Variants in XNDC1N observed in about 807,000 individuals in gnomAD.
XNDC1N encodes the protein XRCC1 N-terminal domain containing 1, N-terminal like.
the XNDC1N span, among the ~76,000 whole-genome samples, chr11:71,892,693 T>A: frequency 6.6e-5 from 10 of 151,788 alleles, no homozygotes; most frequent in African/African-American, 1.9e-4. Flanking sequence ...TTTTTTTTTT[T>A]AATTTTCACT....
At chr11:71,866,379 G>A in the XNDC1N span, among the ~76,000 whole-genome samples, 3 of 152,074 alleles carry the variant, frequency 2.0e-5, no homozygotes, top group Non-Finnish European at 1.5e-5. Flanking sequence ...AGAAGGCCAT[G>A]TTTACTGTAT....
At chr11:71,871,604 C>G in the XNDC1N span, among the ~76,000 whole-genome samples, 1 of 152,112 alleles carries the variant, frequency 6.6e-6, no homozygotes, top group Admixed American at 6.6e-5. Context: ...ACATTGAATT[C>G]ATAAATCATA....
the XNDC1N span, among the ~76,000 whole-genome samples, chr11:71,886,113 T>G: frequency 6.6e-6 from 1 of 152,118 alleles, no homozygotes; most frequent in African/African-American, 2.4e-5. Flanking sequence ...CTGGGATAGA[T>G]GAGGATGGTC....
At chr11:71,866,583 G>A in the XNDC1N span, among the ~76,000 whole-genome samples, 1 of 152,080 alleles carries the variant, frequency 6.6e-6, no homozygotes, top group Non-Finnish European at 1.5e-5. Context: ...GGCCAACATG[G>A]CAAAACCCCG....
the XNDC1N span, among the ~76,000 whole-genome samples, chr11:71,899,185 G>T: frequency 9.2e-5 from 14 of 152,268 alleles, no homozygotes; most frequent in East Asian, 2.7e-3. Flanking sequence ...TAGTCAGTCT[G>T]TGCCTCCAGC....
chr11:71,884,955 C>T, the XNDC1N span, among the ~76,000 whole-genome samples: 1 of 148,490 alleles, frequency 6.7e-6, no homozygotes, highest in Non-Finnish European at 1.5e-5. Context: ...TGAGGAGCCC[C>T]CCACGATGCA....
chr11:71,903,236 G>C, the XNDC1N span: 1 of 926,288 alleles, frequency 1.1e-6, no homozygotes, highest in Non-Finnish European at 1.8e-6. Flanking sequence ...CCTTCTCCTC[G>C]AACTCTCAGA....
chr11:71,884,021 C>A, the XNDC1N span, among the ~76,000 whole-genome samples: 705 of 152,294 alleles, frequency 4.6e-3, 6 homozygotes, highest in African/African-American at 0.016. Flanking sequence ...TGATTCAAGG[C>A]CAACCCCTCC....
the XNDC1N span, among the ~76,000 whole-genome samples, chr11:71,885,369 T>C: frequency 6.6e-6 from 1 of 152,102 alleles, no homozygotes; most frequent in African/African-American, 2.4e-5. Flanking sequence ...TATAGTCCTA[T>C]CAGCCCCTCC....
the XNDC1N span, among the ~76,000 whole-genome samples, chr11:71,885,520 A>T: frequency 2.0e-5 from 3 of 152,098 alleles, no homozygotes; most frequent in African/African-American, 4.8e-5. Flanking sequence ...TGGGAGTAAC[A>T]TCATACTCCA....
the XNDC1N span, among the ~76,000 whole-genome samples, chr11:71,884,855 C>T: frequency 1.7e-4 from 25 of 148,052 alleles, no homozygotes; most frequent in African/African-American, 5.8e-4. Flanking sequence ...GAACCCCTAT[C>T]GCAGGGGGGT....
At chr11:71,905,680 A>C in the XNDC1N span, among the ~76,000 whole-genome samples, 4 of 152,090 alleles carry the variant, frequency 2.6e-5, no homozygotes, top group Non-Finnish European at 5.9e-5. Context: ...ATTAGAAGCA[A>C]TATCTCCCTA....
the XNDC1N span, chr11:71,917,738 G>A: frequency 1.4e-6 from 1 of 703,224 alleles, no homozygotes; most frequent in South Asian, 1.5e-5. Flanking sequence ...CAGGAAGAAT[G>A]GCCCACATCA....
At chr11:71,910,840 C>A in the XNDC1N span, among the ~76,000 whole-genome samples, 147 of 152,240 alleles carry the variant, frequency 9.7e-4, no homozygotes, top group African/African-American at 3.4e-3. Flanking sequence ...ATTAGCCAAG[C>A]CTTTCTATGA....
the XNDC1N span, among the ~76,000 whole-genome samples, chr11:71,868,242 C>T: frequency 4.6e-5 from 7 of 152,178 alleles, no homozygotes; most frequent in Non-Finnish European, 1.0e-4. Flanking sequence ...TCCAACTTGC[C>T]ACTTTGTGCC....
the XNDC1N span, among the ~76,000 whole-genome samples, chr11:71,885,596 T>C: frequency 2.6e-5 from 4 of 152,140 alleles, no homozygotes; most frequent in African/African-American, 9.7e-5. Flanking sequence ...ATATTGAACG[T>C]AATATCATGC....
At chr11:71,889,761 AG>A in the XNDC1N span, among the ~76,000 whole-genome samples, 7 of 152,186 alleles carry the variant, frequency 4.6e-5, no homozygotes, top group Non-Finnish European at 7.3e-5. Context: ...CTTCTGGAGC[AG>A]CCCCCTTTGA....
the XNDC1N span, among the ~76,000 whole-genome samples, chr11:71,905,648 CAT>C: frequency 6.6e-6 from 1 of 151,904 alleles, no homozygotes; most frequent in African/African-American, 2.4e-5. Context: ...AGTGTACACA[CAT>C]GGTGTACACC....
chr11:71,913,584 G>C, the XNDC1N span, among the ~76,000 whole-genome samples: 3,816 of 150,594 alleles, frequency 0.025, 54 homozygotes, highest in East Asian at 0.074. Context: ...GCTTGAACCT[G>C]GGAGGCAGAG....
Sources: gnomAD v4.1 joint callset for allele counts (sites outside exome capture counted in the v4.1 genomes callset) on GRCh38, gnomAD v4.1.1 for gene constraint, MANE v1.5 for transcripts, NCBI Gene and HGNC (gene_info 2026-07-23, HGNC 2026-07-21) for gene names.